CSMD1: variants seen among roughly 807,000 people sequenced by gnomAD.
CSMD1 encodes CUB and sushi domain-containing protein 1.
A neutral mutation model predicts 417.5 loss-of-function variants in CSMD1; 213 were observed. The ratio of observed to expected loss-of-function variants is 0.51; its 90% CI spans 0.46 to 0.57. CSMD1 has a LOEUF of 0.57. CSMD1 is among the 20% of genes least tolerant of loss of function. CSMD1 has a pLI of 0.00. For synonymous variants in CSMD1, 2,862 were observed against 1,736.8 expected (o/e 1.65, Z -16.11); for missense variants, 6,923 against 4,529.7 (o/e 1.53, Z -15.17).
intron 6 of CSMD1, among the ~76,000 whole-genome samples, chr8:3,746,865 A>C (rs541870479): frequency 2.1e-4 from 32 of 152,200 alleles, no homozygotes; most frequent in African/African-American, 7.2e-4. Context: ...GGGGCTAAGA[A>C]ATTGTCATCA....
rs976040038 is a variant in CSMD1 at position 3,936,313 on chromosome 8, G to T, written c.818+61590C>A. On this transcript the variant is annotated intron_variant, in intron 5 of 69. Coordinates refer to ENST00000635120, the MANE Select transcript of CSMD1 (RefSeq NM_033225.6). ...GTGACGAAGGTGGCTACACTAAAAG[G>T]CAGATATTGAGTGTAAACAAAGCAG... is the stretch of plus-strand genomic sequence containing the variant. Among the ~76,000 whole-genome samples the T allele has an allele frequency of 2.6e-5, 4 of 152,238 alleles. No individual in the cohort carries two copies. The East Asian group carries it at 7.7e-4, about 29-fold the overall frequency.
intron 21 of CSMD1, among the ~76,000 whole-genome samples, chr8:3,358,350 T>C (rs1277174078): frequency 2.0e-5 from 3 of 152,228 alleles, no homozygotes; most frequent in Admixed American, 6.5e-5. Context: ...ACCCAGAATA[T>C]GCTGAGCAAC....
At chr8:4,878,864 G>A (rs1189259656) in intron 1 of CSMD1, among the ~76,000 whole-genome samples, 1 of 151,288 alleles carries the variant, frequency 6.6e-6, no homozygotes, top group African/African-American at 2.4e-5. Flanking sequence ...GCAGGATAAG[G>A]CAGAACCCAG....
chr8:3,621,515 G>C (rs1491002212), intron 7 of CSMD1, among the ~76,000 whole-genome samples: 1 of 152,116 alleles, frequency 6.6e-6, no homozygotes, highest in Non-Finnish European at 1.5e-5. Context: ...TTACAGAGAT[G>C]AATAGTGGTG....
At chr8:3,218,956 T>A (rs1798043322) in intron 29 of CSMD1, among the ~76,000 whole-genome samples, 2 of 152,208 alleles carry the variant, frequency 1.3e-5, no homozygotes, top group African/African-American at 4.8e-5. Context: ...TTAAAACCCG[T>A]CTTAAAATAA....
At chr8:3,363,521 T>TTATG (rs773796315) in intron 20 of CSMD1, among the ~76,000 whole-genome samples, 122 of 151,878 alleles carry the variant, frequency 8.0e-4, no homozygotes, top group South Asian at 1.5e-3. Context: ...GCTTATTTAT[T>TTATG]TATTTATTTA....
chr8:3,585,900 G>C (rs1397941650), intron 9 of CSMD1, among the ~76,000 whole-genome samples: 1 of 152,060 alleles, frequency 6.6e-6, no homozygotes, highest in Admixed American at 6.6e-5. Context: ...AGTATGTGTG[G>C]ATTTGCTCAC....
intron 2 of CSMD1, among the ~76,000 whole-genome samples, chr8:4,623,516 G>A (rs902847880): frequency 6.6e-6 from 1 of 151,744 alleles, no homozygotes; most frequent in East Asian, 1.9e-4. Flanking sequence ...TCCCCACAAA[G>A]ACTTTTATGC....
intron 3 of CSMD1, among the ~76,000 whole-genome samples, chr8:4,386,868 T>C (rs1026142677): frequency 6.6e-6 from 1 of 152,222 alleles, no homozygotes; most frequent in East Asian, 1.9e-4. Flanking sequence ...GAATCCCTCG[T>C]GGATGACTGA....
intron 25 of CSMD1, among the ~76,000 whole-genome samples, chr8:3,292,111 T>C (rs888263646): frequency 6.6e-6 from 1 of 152,212 alleles, no homozygotes; most frequent in Non-Finnish European, 1.5e-5. Flanking sequence ...GAGCAGGTTG[T>C]TCAGTTTCCA....
chr8:4,956,880 A>T (rs1021980626), intron 1 of CSMD1, among the ~76,000 whole-genome samples: 1 of 152,142 alleles, frequency 6.6e-6, no homozygotes, highest in African/African-American at 2.4e-5. Flanking sequence ...CTCCACACCA[A>T]GCGGCAATCC....
intron 7 of CSMD1, among the ~76,000 whole-genome samples, chr8:3,650,117 A>G (rs142899132): frequency 6.0e-4 from 91 of 152,168 alleles, no homozygotes; most frequent in Non-Finnish European, 1.2e-3. Flanking sequence ...TGTCTCTACT[A>G]AAAATACAAA....
At chr8:3,289,774 G>T (rs1429891682) in intron 25 of CSMD1, among the ~76,000 whole-genome samples, 1 of 147,180 alleles carries the variant, frequency 6.8e-6, no homozygotes, top group African/African-American at 2.7e-5. Flanking sequence ...CATTCTGTAG[G>T]TTGCCTGTTC....
intron 7 of CSMD1, among the ~76,000 whole-genome samples, chr8:3,636,927 G>A (rs1252812979): frequency 2.0e-5 from 3 of 152,124 alleles, no homozygotes; most frequent in East Asian, 1.9e-4. Context: ...CCTCATGAAT[G>A]AATTAGTATC....
chr8:4,042,720 C>A (rs974986531), intron 3 of CSMD1, among the ~76,000 whole-genome samples: 2 of 146,160 alleles, frequency 1.4e-5, no homozygotes, highest in Non-Finnish European at 3.0e-5. Flanking sequence ...GTAGAAGTGA[C>A]AGAAATGACA....
chr8:4,748,837 A>G (rs545857379), intron 1 of CSMD1, among the ~76,000 whole-genome samples: 18 of 152,322 alleles, frequency 1.2e-4, no homozygotes, highest in Non-Finnish European at 2.1e-4. Context: ...GGGAGAGTTC[A>G]CCACTGTGAA....
chr8:4,165,306 C>T (rs1012933661), intron 3 of CSMD1, among the ~76,000 whole-genome samples: 6 of 152,170 alleles, frequency 3.9e-5, no homozygotes, highest in South Asian at 2.1e-4. Flanking sequence ...TTCTGTGTGC[C>T]GGGTATCTCA....
At chr8:4,192,776 C>A (rs761849673) in intron 3 of CSMD1, among the ~76,000 whole-genome samples, 5 of 152,172 alleles carry the variant, frequency 3.3e-5, no homozygotes, top group African/African-American at 4.8e-5. Context: ...TCAAGAATTT[C>A]CATTTGTTTC....
intron 5 of CSMD1, among the ~76,000 whole-genome samples, chr8:3,757,736 A>G (rs1181936057): frequency 2.6e-5 from 4 of 151,834 alleles, no homozygotes; most frequent in African/African-American, 4.8e-5. Flanking sequence ...GTAATCCTAG[A>G]TAATCGGGAG....
Sources: allele counts gnomAD v4.1 joint callset (sites outside exome capture counted in the v4.1 genomes callset), GRCh38; gene constraint gnomAD v4.1.1; transcripts MANE v1.5; gene names NCBI Gene and HGNC (gene_info 2026-07-23, HGNC 2026-07-21).